The following LMNTD1 variants were observed in gnomAD, a reference collection of about 807,000 sequenced individuals.
LMNTD1 encodes the protein lamin tail domain-containing protein 1.
A neutral mutation model predicts 50.9 loss-of-function variants in LMNTD1; 35 were observed. That is an observed-to-expected ratio of 0.69 (90% confidence interval 0.53 to 0.91). The LOEUF (loss-of-function observed/expected upper bound fraction) is 0.91. LMNTD1 is among the 40% of genes least tolerant of loss of function. LMNTD1 has a pLI of 0.00. For missense variants in LMNTD1, 470 were observed against 475.5 expected (o/e 0.99, Z 0.11); for synonymous variants, 153 against 161.9 (o/e 0.94, Z 0.42).
chr12:25,576,717 T>C (rs1409533769), intron 1 of LMNTD1, among the ~76,000 whole-genome samples: 1 of 152,254 alleles, frequency 6.6e-6, no homozygotes, highest in Non-Finnish European at 1.5e-5. Flanking sequence ...TTTGTCAATT[T>C]TGGCTTTTGT....
intron 1 of LMNTD1, among the ~76,000 whole-genome samples, chr12:25,639,505 G>T (rs1228614948): frequency 2.0e-5 from 3 of 152,114 alleles, no homozygotes; most frequent in Non-Finnish European, 4.4e-5. Context: ...TAAAGAAGTT[G>T]AATAGACATT....
At chr12:25,638,347 G>C (rs1448661270) in intron 1 of LMNTD1, among the ~76,000 whole-genome samples, 11 of 151,760 alleles carry the variant, frequency 7.2e-5, no homozygotes, top group Non-Finnish European at 1.5e-4. Context: ...GGGAAAATTA[G>C]GCAAGAAAAT....
chr12:25,606,580 T>C (rs1014221382), intron 1 of LMNTD1, among the ~76,000 whole-genome samples: 3 of 152,224 alleles, frequency 2.0e-5, no homozygotes, highest in African/African-American at 7.2e-5. Flanking sequence ...TCTGCATCTA[T>C]TGAGATAATC....
chr12:25,522,160 T>C (rs7297293), intron 6 of LMNTD1, among the ~76,000 whole-genome samples: 3,070 of 151,552 alleles, frequency 0.02, 80 homozygotes, highest in African/African-American at 0.058. Context: ...AGATGAATTC[T>C]TTTTTAAAAA....
At chr12:25,502,199 AT>A (rs781773506) in intron 9 of LMNTD1, among the ~76,000 whole-genome samples, 1 of 152,232 alleles carries the variant, frequency 6.6e-6, no homozygotes, top group East Asian at 1.9e-4. Context: ...GATTCAGAAC[AT>A]TTTTTTCCAA....
chr12:25,585,059 G>A (rs1945462727), intron 1 of LMNTD1, among the ~76,000 whole-genome samples: 1 of 152,208 alleles, frequency 6.6e-6, no homozygotes, highest in Non-Finnish European at 1.5e-5. Context: ...CTTGAGGACA[G>A]CTGCCAGTTG....
intron 1 of LMNTD1, among the ~76,000 whole-genome samples, chr12:25,589,067 A>G (rs1945622380): frequency 6.6e-6 from 1 of 152,228 alleles, no homozygotes; most frequent in African/African-American, 2.4e-5. Flanking sequence ...ATTATCTAAC[A>G]GAGCTGGAGA....
chr12:25,500,621 A>G (rs7959386), intron 9 of LMNTD1, among the ~76,000 whole-genome samples: 39,397 of 152,090 alleles, frequency 0.26, 5,351 homozygotes, highest in Middle Eastern at 0.34. Flanking sequence ...GGTGATCTGT[A>G]ACAAGACCCA....
intron 1 of LMNTD1, among the ~76,000 whole-genome samples, chr12:25,580,268 A>G (rs1474939931): frequency 2.6e-5 from 4 of 152,068 alleles, no homozygotes; most frequent in Non-Finnish European, 5.9e-5. Context: ...CTTTCCATTG[A>G]TGTTTTCATG....
Position 25,614,386 on chromosome 12 carries a change from A to T in LMNTD1, c.58+34108T>A, listed in dbSNP as rs190321911. Among the ~76,000 whole-genome samples the T allele has an allele frequency of 1.5e-3, 223 of 152,206 alleles. 1 individual carries two copies. The highest frequency in any genetic ancestry group is 4.8e-3 in the Admixed American group (73 of 15,292). On this transcript the variant is annotated intron_variant, in intron 1 of 7. Coordinates refer to the LMNTD1 transcript ENST00000445693. ...CCTACAACCCAAATCCTCAATTACC[A>T]GGTATCTGGGTGACACCTTAAATGC...
chr12:25,616,913 T>A (rs979256662), intron 1 of LMNTD1, among the ~76,000 whole-genome samples: 3 of 152,170 alleles, frequency 2.0e-5, no homozygotes, highest in African/African-American at 7.2e-5. Context: ...ATATCTTGAA[T>A]CTAGTGATAG....
intron 1 of LMNTD1, among the ~76,000 whole-genome samples, chr12:25,616,802 C>T (rs1222540337): frequency 6.6e-6 from 1 of 152,110 alleles, no homozygotes; most frequent in African/African-American, 2.4e-5. Context: ...ACTATAGGGA[C>T]AGAAAACAGA....
intron 8 of LMNTD1, among the ~76,000 whole-genome samples, chr12:25,513,058 T>C (rs1338877108): frequency 6.6e-6 from 1 of 152,218 alleles, no homozygotes; most frequent in Non-Finnish European, 1.5e-5. Flanking sequence ...ATCTGTATTA[T>C]ACTGAATAAA....
intron 8 of LMNTD1, among the ~76,000 whole-genome samples, chr12:25,512,668 G>A (rs1940393544): frequency 6.6e-6 from 1 of 152,104 alleles, no homozygotes; most frequent in African/African-American, 2.4e-5. Context: ...TTAGGATAGG[G>A]GGAGGATACC....
At position 25,506,639 on chromosome 12, in the gene LMNTD1, G is replaced by A. The variant is rs113075778; in HGVS notation, c.1190-2839C>T. ...GTAAACTTATCTGCTGTGTTAAAGG[G>A]CCGTTAGCCTTCATTCTGACGACTC... On this transcript the variant is annotated intron_variant, in intron 8 of 9. Transcript: ENST00000458174. Among the ~76,000 whole-genome samples the A allele has an allele frequency of 7.3e-3, 1,110 of 151,250 alleles. 13 individuals are homozygous for A. The highest frequency in any genetic ancestry group is 0.025 in the African/African-American group (1,037 of 41,130).
intron 2 of LMNTD1, among the ~76,000 whole-genome samples, chr12:25,551,411 A>G (rs989979597): frequency 2.0e-5 from 3 of 151,812 alleles, no homozygotes; most frequent in Admixed American, 6.6e-5. Context: ...TTTTTATGAG[A>G]CAGGGTCTCT....
intron 9 of LMNTD1, among the ~76,000 whole-genome samples, chr12:25,486,523 C>A (rs1938647699): frequency 7.7e-6 from 1 of 129,352 alleles, no homozygotes; most frequent in Non-Finnish European, 1.6e-5. Flanking sequence ...TTGCCCTGGC[C>A]AGAACTTCCA....
intron 1 of LMNTD1, among the ~76,000 whole-genome samples, chr12:25,589,670 G>T (rs1291734196): frequency 1.3e-5 from 2 of 151,854 alleles, no homozygotes; most frequent in Admixed American, 1.3e-4. Context: ...TTATTGTTTT[G>T]ATGCTCCAGA....
intron 1 of LMNTD1, among the ~76,000 whole-genome samples, chr12:25,567,943 C>A (rs1490048069): frequency 3.3e-5 from 5 of 151,958 alleles, no homozygotes; most frequent in South Asian, 2.1e-4. Flanking sequence ...TATAAAGATA[C>A]CTGAAAACGT....
Sources: gnomAD v4.1 joint callset for allele counts (sites outside exome capture counted in the v4.1 genomes callset) on GRCh38, gnomAD v4.1.1 for gene constraint, MANE v1.5 for transcripts, NCBI Gene and HGNC (gene_info 2026-07-23, HGNC 2026-07-21) for gene names.